The following PTPRZ1 variants were observed in gnomAD, a reference collection of about 807,000 sequenced individuals.
The protein encoded by PTPRZ1 is protein tyrosine phosphatase receptor type Z1, also known as receptor-type tyrosine-protein phosphatase zeta.
PTPRZ1 carries 82 observed loss-of-function variants against 214.1 expected under a neutral mutation model. That is an observed-to-expected ratio of 0.38 (90% CI 0.32 to 0.46). The LOEUF (loss-of-function observed/expected upper bound fraction) is 0.46, where lower values mean the gene tolerates loss of function less well. PTPRZ1 is among the 20% of genes least tolerant of loss of function. PTPRZ1 has a pLI of 1.00. For synonymous variants in PTPRZ1, 945 were observed against 987.9 expected, an observed-to-expected ratio of 0.96 and a Z score of 0.81; for missense variants, 2,603 against 2,748.7, an observed-to-expected ratio of 0.95 and a Z score of 1.19.
At chr7:121,874,689 G>T (rs1485986163) in intron 1 of PTPRZ1, among the ~76,000 whole-genome samples, 1 of 152,210 alleles carries the variant, frequency 6.6e-6, no homozygotes, top group African/African-American at 2.4e-5. Context: ...GGTGATAATT[G>T]CCCATAGACC....
rs1169313262 is a variant in PTPRZ1 at position 122,039,599 on chromosome 7, A to G, written c.5637+11A>G. 1.2e-6 allele frequency: 2 copies of G among 1,612,476 alleles called. No individual in the cohort carries two copies. Among genetic ancestry groups the G allele is most frequent in the Non-Finnish European group, 1.7e-6 (2 of 1,179,552 alleles). On this transcript the variant is annotated intron_variant, in intron 20 of 29. Transcript: ENST00000393386. ...ACAAAAATAAAAAAGGTGAGTCAAC[A>G]AAATGATGGGCATAATCAAGTGAAC...
chr7:122,052,812 G>A (rs73224304), intron 25 of PTPRZ1, among the ~76,000 whole-genome samples: 9,472 of 152,258 alleles, frequency 0.062, 369 homozygotes, highest in East Asian at 0.15. Flanking sequence ...ACCAAAGTGG[G>A]AAATGTAAAC....
At chr7:121,879,824 C>A (rs532789542) in intron 1 of PTPRZ1, among the ~76,000 whole-genome samples, 2 of 152,032 alleles carry the variant, frequency 1.3e-5, no homozygotes, top group East Asian at 1.9e-4. Flanking sequence ...CCCTTTCCTC[C>A]CTTCTTCCCT....
intron 17 of PTPRZ1, among the ~76,000 whole-genome samples, chr7:122,035,632 C>A (rs907051686): frequency 6.6e-6 from 1 of 152,186 alleles, no homozygotes; most frequent in Non-Finnish European, 1.5e-5. Flanking sequence ...AAAAATAGGT[C>A]ACCCTGACAT....
At chr7:122,018,508 A>G (rs1798912994) in intron 12 of PTPRZ1, among the ~76,000 whole-genome samples, 1 of 151,256 alleles carries the variant, frequency 6.6e-6, no homozygotes, top group Non-Finnish European at 1.5e-5. Flanking sequence ...TTCACCTGAA[A>G]TTGCATTTTT....
intron 6 of PTPRZ1, among the ~76,000 whole-genome samples, chr7:121,982,828 C>G (rs577287024): frequency 5.3e-5 from 8 of 151,874 alleles, no homozygotes; most frequent in African/African-American, 1.9e-4. Flanking sequence ...GGCTGGAGTG[C>G]GGTGGCGCCA....
intron 1 of PTPRZ1, among the ~76,000 whole-genome samples, chr7:121,877,741 T>C (rs1250773896): frequency 6.6e-6 from 1 of 152,204 alleles, no homozygotes; most frequent in Non-Finnish European, 1.5e-5. Flanking sequence ...AATCTTGTTT[T>C]AAAGATACTT....
intron 1 of PTPRZ1, among the ~76,000 whole-genome samples, chr7:121,879,475 C>T (rs915082783): frequency 6.6e-6 from 1 of 152,040 alleles, no homozygotes; most frequent in South Asian, 2.1e-4. Context: ...TCAAGAAGGC[C>T]GTAAGAGATA....
chr7:122,004,970 TTA>T (rs947726963), intron 11 of PTPRZ1, among the ~76,000 whole-genome samples: 1 of 152,052 alleles, frequency 6.6e-6, no homozygotes, highest in African/African-American at 2.4e-5. Context: ...TGGAATTTTT[TTA>T]GTCTCCAAAT....
At position 121,972,480 on chromosome 7, in the gene PTPRZ1, T is replaced by G. The variant is rs114035902; in HGVS notation, c.305-61T>G. On this transcript the variant is annotated intron_variant, in intron 3 of 29. Transcript: ENST00000393386. ...AATGTACCTTAAGTAGATGGAAATT[T>G]AGTTGAAATTTAAAATTTTGATTTT... 2.3e-3 allele frequency: 3,286 copies of G among 1,432,176 alleles called. 72 individuals carry two copies. The African/African-American group carries it at 0.041, about 18-fold the overall frequency. 88.7% of individuals were successfully genotyped at this position (1,432,176 alleles called of 1,614,324 possible).
intron 1 of PTPRZ1, among the ~76,000 whole-genome samples, chr7:121,909,829 A>G (rs1044813417): frequency 6.6e-6 from 1 of 152,210 alleles, no homozygotes; most frequent in Admixed American, 6.5e-5. Flanking sequence ...CAGAAGAGAT[A>G]GCTGAAAGAA....
chr7:122,033,017 TACTG>T (rs1214021203), intron 15 of PTPRZ1, among the ~76,000 whole-genome samples: 5 of 152,100 alleles, frequency 3.3e-5, no homozygotes, highest in Non-Finnish European at 5.9e-5. Flanking sequence ...TAATATAAAT[TACTG>T]ACAACATATA....
chr7:121,877,598 T>G (rs1397819797), intron 1 of PTPRZ1, among the ~76,000 whole-genome samples: 6 of 152,184 alleles, frequency 3.9e-5, no homozygotes, highest in African/African-American at 1.4e-4. Context: ...AGATGTTCAC[T>G]AAGTGCCCGA....
intron 4 of PTPRZ1, among the ~76,000 whole-genome samples, chr7:121,973,884 A>C (rs970876800): frequency 6.7e-6 from 1 of 149,764 alleles, no homozygotes; most frequent in Admixed American, 6.7e-5. Context: ...CAGTGAGCCA[A>C]GATCACACCA....
At chr7:121,937,258 C>A (rs1413742241) in intron 2 of PTPRZ1, among the ~76,000 whole-genome samples, 2 of 152,108 alleles carry the variant, frequency 1.3e-5, no homozygotes, top group Admixed American at 6.5e-5. Context: ...TGTTTGATAA[C>A]CTCAGGACAG....
At chr7:121,903,451 G>T (rs1365890991) in intron 1 of PTPRZ1, among the ~76,000 whole-genome samples, 11 of 152,096 alleles carry the variant, frequency 7.2e-5, no homozygotes, top group Non-Finnish European at 1.0e-4. Flanking sequence ...TTTCCACTTT[G>T]AATTGTTCAA....
chr7:121,987,290 C>T lies in PTPRZ1; in HGVS notation c.928+3173C>T, dbSNP rs187159724. ...TACCCTCATCCCACCCAAGTCTTCA[C>T]GTCTTCTTAAGGCAGGAAAATTAGC... On this transcript the variant is annotated intron_variant, in intron 8 of 29. Transcript: ENST00000393386. 3.3e-5 allele frequency among the ~76,000 whole-genome samples: 5 copies of T among 152,260 alleles called. No individual in the cohort carries two copies. The East Asian group carries it at 7.7e-4, about 24-fold the overall frequency.
chr7:122,045,150 A>G (rs772178311), intron 23 of PTPRZ1, among the ~76,000 whole-genome samples: 5 of 152,186 alleles, frequency 3.3e-5, no homozygotes, highest in Admixed American at 6.5e-5. Context: ...TAGGCAAAGA[A>G]TTCAGAAAGC....
Position 122,061,432 on chromosome 7 carries a change from A to G in PTPRZ1, c.*212A>G, listed in dbSNP as rs1792574998. On this transcript the variant is annotated 3_prime_UTR_variant, in exon 30 of 30. Coordinates refer to ENST00000393386, the MANE Select transcript of PTPRZ1 (RefSeq NM_002851.3). ...TACTTATTATGTTTGAACTAAAATG[A>G]TTGAATTTTACAGTATTTCTAAGAA... 8.9e-6 allele frequency: 3 copies of G among 338,510 alleles called. No homozygotes were observed. The highest frequency in any genetic ancestry group is 1.6e-5 in the Non-Finnish European group (3 of 191,812). The allele number at this position is 338,510 out of a possible 1,614,324, so 21.0% of individuals were successfully genotyped here.
Sources: allele counts gnomAD v4.1 joint callset (sites outside exome capture counted in the v4.1 genomes callset), GRCh38; gene constraint gnomAD v4.1.1; transcripts MANE v1.5; gene names NCBI Gene and HGNC (gene_info 2026-07-23, HGNC 2026-07-21).